Variants in PCDHGA7 observed in about 807,000 individuals in gnomAD.
PCDHGA7 encodes protocadherin gamma subfamily A, 7, also known as protocadherin gamma-A7.
In PCDHGA7, 44 loss-of-function variants were observed where a neutral mutation model predicts 58.3. That is an observed-to-expected ratio of 0.75 (90% CI 0.59 to 0.97). The LOEUF (loss-of-function observed/expected upper bound fraction) is 0.97, where lower values mean the gene tolerates loss of function less well. PCDHGA7 is among the 50% of genes least tolerant of loss of function. The pLI is 0.00. For missense variants in PCDHGA7, 1,266 were observed against 1,188.7 expected, an observed-to-expected ratio of 1.06 and a Z score of -0.96; for synonymous variants, 516 against 504.2, an observed-to-expected ratio of 1.02 and a Z score of -0.31.
Position 141,385,078 on chromosome 5 carries a change from G to C in PCDHGA7, c.2179G>C (p.Ala727Pro), listed in dbSNP as rs755613540. ...RRWHKSRLLQASEGGLANVPT... is the reference protein window; with the variant it reads ...RRWHKSRLLQPSEGGLANVPT... ...CTGGCACAAGTCACGCCTGCTGCAGGCTTCAGAAGGTGGCTTGGCGAACGT... is the reference window on the plus strand; with the variant it reads ...CTGGCACAAGTCACGCCTGCTGCAGCCTTCAGAAGGTGGCTTGGCGAACGT... The change falls in exon 1 of 4, where the codon GCT (alanine) becomes CCT (proline). Residue 727 changes from alanine to proline, a missense_variant. Transcript: ENST00000518325. 6.2e-7 allele frequency: 1 copy of C among 1,614,222 alleles called. No homozygotes were observed.
chr5:141,467,296 A>G lies in PCDHGA7; in HGVS notation c.2425-27511A>G, dbSNP rs1032802325. Among the ~76,000 whole-genome samples the G allele has an allele frequency of 6.6e-5, 10 of 151,858 alleles. No individual in the cohort carries two copies. The East Asian group carries it at 9.7e-4, about 15-fold the overall frequency. On this transcript the variant is annotated intron_variant, in intron 1 of 3. Transcript: ENST00000518325. The stretch of plus-strand genomic sequence containing the variant: ...TCGAACTCTTGACCTCAAGTGATCC[A>G]CTCACCTCGGCCTCCCACAGTGCTG...
At chr5:141,404,776 A>G (rs2094566348) in intron 1 of PCDHGA7, 1 of 1,612,952 alleles carries the variant, frequency 6.2e-7, no homozygotes, top group Non-Finnish European at 8.5e-7. Flanking sequence ...CCTACCGCCT[A>G]TTCAAGGCCA....
chr5:141,448,545 A>T lies in PCDHGA7; in HGVS notation c.2425-46262A>T, dbSNP rs537259621. On this transcript the variant is annotated intron_variant, in intron 1 of 3. Coordinates refer to ENST00000518325, the MANE Select transcript of PCDHGA7 (RefSeq NM_018920.4). ...AGCATCCTGTCAGCATTTCTTATGC[A>T]AATATGTACATATATTTTTATTTCC... 1.5e-4 allele frequency among the ~76,000 whole-genome samples: 23 copies of T among 152,334 alleles called. 1 individual carries two copies. The South Asian group carries it at 2.7e-3, about 18-fold the overall frequency.
intron 1 of PCDHGA7, among the ~76,000 whole-genome samples, chr5:141,481,259 C>T (rs1176419744): frequency 1.3e-5 from 2 of 152,146 alleles, no homozygotes; most frequent in African/African-American, 4.8e-5. Context: ...TCTAAAAGAT[C>T]ACTGTAGGAA....
Position 141,491,883 on chromosome 5 carries a change from G to T in PCDHGA7, c.2425-2924G>T. On this transcript the variant is annotated intron_variant, in intron 1 of 3. Transcript: ENST00000518325. The surrounding 1 kb of genome is among the most constrained non-coding windows in gnomAD (Gnocchi z 6.9). The stretch of plus-strand genomic sequence containing the variant: ...AAACCAGAGTGGCCGATTAAGGGAT[G>T]GGGCTCCGAGCACCGGGGGTGGTGG... 1 of 1,446,756 alleles carries T rather than the reference G, an allele frequency of 6.9e-7. No individual in the cohort carries two copies. Among genetic ancestry groups the T allele is most frequent in the South Asian group, 1.5e-5 (1 of 67,644 alleles). 89.6% of individuals were successfully genotyped at this position (1,446,756 alleles called of 1,614,324 possible). A position where few individuals can be genotyped will look rare whatever the true frequency, so the allele number is the denominator to read the frequency against.
chr5:141,473,647 C>T (rs2099326149), intron 1 of PCDHGA7, among the ~76,000 whole-genome samples: 1 of 152,172 alleles, frequency 6.6e-6, no homozygotes, highest in Non-Finnish European at 1.5e-5. Flanking sequence ...GGCAAAGGAA[C>T]AATTTGTGTG....
rs376209053 is a variant in PCDHGA7, at chr5:141,410,666, T to A, written c.2424+25343T>A. On this transcript the variant is annotated intron_variant, in intron 1 of 3. Transcript: ENST00000518325. ...TGTGATTTATCTAATAGTCTACTAG[T>A]TTCTCATATTTTAGGCATACTACTT... is the stretch of plus-strand genomic sequence containing the variant. 2.6e-6 allele frequency: 4 copies of A among 1,565,890 alleles called. No homozygotes were observed. In the African/African-American group the frequency reaches 5.5e-5, roughly 21 times the overall value.
At position 141,511,345 on chromosome 5, in the gene PCDHGA7, T is replaced by A; in HGVS notation, c.*172T>A. The A allele has an allele frequency of 7.8e-6, 11 of 1,410,508 alleles. No individual in the cohort carries two copies. The highest frequency in any genetic ancestry group is 1.0e-5 in the Non-Finnish European group (11 of 1,060,682). 87.4% of individuals were successfully genotyped at this position (1,410,508 alleles called of 1,614,324 possible). ...AAGTGCCCAGTCAGCACCTACCCCT[T>A]CCCCCCCAGGGGGTTGAATATGCAA... On this transcript the variant is annotated 3_prime_UTR_variant, in exon 4 of 4. Transcript: ENST00000518325.
At chr5:141,387,877 C>T in intron 1 of PCDHGA7, 1 of 1,585,868 alleles carries the variant, frequency 6.3e-7, no homozygotes, top group Non-Finnish European at 8.6e-7. Flanking sequence ...CTGAGGAGAG[C>T]AAGAGGGATG....
chr5:141,427,013 T>A, intron 1 of PCDHGA7: 2 of 456,846 alleles, frequency 4.4e-6, no homozygotes, highest in Non-Finnish European at 8.8e-6. Flanking sequence ...TTAGCCAGGA[T>A]GTATACAAAG....
chr5:141,422,838 C>G, intron 1 of PCDHGA7: 3 of 1,614,252 alleles, frequency 1.9e-6, no homozygotes, highest in African/African-American at 2.7e-5. Flanking sequence ...TAGCACGTGA[C>G]AGCGGGGACC....
chr5:141,433,080 A>T lies in PCDHGA7; in HGVS notation c.2424+47757A>T, dbSNP rs1315049041. 4.3e-6 allele frequency: 7 copies of T among 1,614,174 alleles called. No homozygotes were observed. The East Asian group carries it at 1.6e-4, about 36-fold the overall frequency. ...AGTCACCTGATCTTCCCCCAGCCCA[A>T]CTATGCAGACATGCTCGTCAGCCAG... On this transcript the variant is annotated intron_variant, in intron 1 of 3. Transcript: ENST00000518325.
Position 141,487,256 on chromosome 5 carries a change from G to T in PCDHGA7, c.2425-7551G>T. On this transcript the variant is annotated intron_variant, in intron 1 of 3. Coordinates refer to ENST00000518325, the MANE Select transcript of PCDHGA7 (RefSeq NM_018920.4). This position sits in a 1 kb window ranked among gnomAD's most constrained non-coding sequence, Gnocchi z 5.0. Reference sequence around the variant, plus strand: ...ATCTCGTCTAACCCTCTACTTGGCTGTGTCCCTAGTGGCAATTTGCTTTGT... The same window carrying T: ...ATCTCGTCTAACCCTCTACTTGGCTTTGTCCCTAGTGGCAATTTGCTTTGT... The T allele has an allele frequency of 2.5e-6, 4 of 1,614,166 alleles. No homozygotes were observed. Among genetic ancestry groups the T allele is most frequent in the Non-Finnish European group, 2.5e-6 (3 of 1,180,032 alleles).
Position 141,432,147 on chromosome 5 carries a change from A to G in PCDHGA7, c.2424+46824A>G. 6.2e-7 allele frequency: 1 copy of G among 1,614,066 alleles called. No individual in the cohort carries two copies. The highest frequency in any genetic ancestry group is 8.5e-7 in the Non-Finnish European group (1 of 1,179,998). ...GCCTCCTATTCCGCTTATATCCCAG[A>G]GAACAATCCCAGAGGAGTTTCCCTC... On this transcript the variant is annotated intron_variant, in intron 1 of 3. Transcript: ENST00000518325. The surrounding 1 kb of genome is among the most constrained non-coding windows in gnomAD (Gnocchi z 6.0).
rs758715682 is a variant in PCDHGA7, at chr5:141,490,062, C to T, written c.2425-4745C>T. The T allele has an allele frequency of 2.6e-5, 42 of 1,614,100 alleles. No individual in the cohort carries two copies. The highest frequency in any genetic ancestry group is 3.3e-5 in the South Asian group (3 of 91,086). On this transcript the variant is annotated intron_variant, in intron 1 of 3. Coordinates refer to ENST00000518325, the MANE Select transcript of PCDHGA7 (RefSeq NM_018920.4). The surrounding 1 kb of genome is among the most constrained non-coding windows in gnomAD (Gnocchi z 5.4). The stretch of plus-strand genomic sequence containing the variant: ...CCACTGATCCAGACGAGGGCACCAA[C>T]GGCCAACTAGACTATTCTTTTGGAG...
chr5:141,394,447 A>T, intron 1 of PCDHGA7: 1 of 1,614,248 alleles, frequency 6.2e-7, no homozygotes, highest in Non-Finnish European at 8.5e-7. Flanking sequence ...CTCAGCAGCA[A>T]CATGTCACTG....
At position 141,489,577 on chromosome 5, in the gene PCDHGA7, C is replaced by A. The variant is rs918238376; in HGVS notation, c.2425-5230C>A. The stretch of plus-strand genomic sequence containing the variant: ...GCCAGTGCAGGTGGTGACTGAACAC[C>A]CCCTGGAGCTAATCCGTGTAGAGGT... On this transcript the variant is annotated intron_variant, in intron 1 of 3. Coordinates refer to ENST00000518325, the MANE Select transcript of PCDHGA7 (RefSeq NM_018920.4). This position sits in a 1 kb window ranked among gnomAD's most constrained non-coding sequence, Gnocchi z 4.5. The A allele has an allele frequency of 6.2e-7, 1 of 1,613,894 alleles. No individual in the cohort carries two copies. The highest frequency in any genetic ancestry group is 8.5e-7 in the Non-Finnish European group (1 of 1,180,000).
Position 141,491,900 on chromosome 5 carries a change from G to A in PCDHGA7, c.2425-2907G>A, listed in dbSNP as rs1268804496. 7.0e-7 allele frequency: 1 copy of A among 1,429,818 alleles called. No individual in the cohort carries two copies. Among genetic ancestry groups the A allele is most frequent in the East Asian group, 2.5e-5 (1 of 39,444 alleles). The allele number at this position is 1,429,818 out of a possible 1,614,324, so 88.6% of individuals were successfully genotyped here. A position where few individuals can be genotyped will look rare whatever the true frequency, so the allele number is the denominator to read the frequency against. ...TAAGGGATGGGGCTCCGAGCACCGGGGGTGGTGGCGACTGTGGGCGAGGGG... is the reference window on the plus strand; with the variant it reads ...TAAGGGATGGGGCTCCGAGCACCGGAGGTGGTGGCGACTGTGGGCGAGGGG... On this transcript the variant is annotated intron_variant, in intron 1 of 3. Coordinates refer to ENST00000518325, the MANE Select transcript of PCDHGA7 (RefSeq NM_018920.4). This position sits in a 1 kb window ranked among gnomAD's most constrained non-coding sequence, Gnocchi z 6.9.
At chr5:141,392,956 T>G in intron 1 of PCDHGA7, 1 of 1,613,820 alleles carries the variant, frequency 6.2e-7, no homozygotes, top group South Asian at 1.1e-5. Context: ...GTGGGTAATA[T>G]CTCCAAGGAC....
Sources: gnomAD v4.1 joint callset for allele counts (sites outside exome capture counted in the v4.1 genomes callset) on GRCh38, gnomAD v4.1.1 for gene constraint, Gnocchi (gnomAD v3.1) non-coding constraint, MANE v1.5 for transcripts, NCBI Gene and HGNC (gene_info 2026-07-23, HGNC 2026-07-21) for gene names.